The following CNGA1 variants were observed in gnomAD, a reference collection of about 807,000 sequenced individuals.
The protein encoded by CNGA1 is cyclic nucleotide gated channel subunit alpha 1.
In CNGA1, 53 loss-of-function variants were observed where a neutral mutation model predicts 69.7. The ratio of observed to expected loss-of-function variants is 0.76; its 90% CI spans 0.61 to 0.96. CNGA1 has a LOEUF of 0.96. Among genes scored for constraint, CNGA1 ranks in the 40% least tolerant of loss-of-function variants. CNGA1 has a pLI of 0.00. For missense variants in CNGA1, 739 were observed against 811.2 expected (o/e 0.91, Z 1.08); for synonymous variants, 249 against 283.5 (o/e 0.88, Z 1.22).
chr4:47,975,215 C>T (rs1405345078), intron 3 of CNGA1, among the ~76,000 whole-genome samples: 1 of 152,138 alleles, frequency 6.6e-6, no homozygotes, highest in Non-Finnish European at 1.5e-5. Flanking sequence ...TCCTTATAGG[C>T]TCATAAGCCA....
At chr4:47,996,302 TCC>T (rs1389733263) in intron 2 of CNGA1, among the ~76,000 whole-genome samples, 1 of 152,144 alleles carries the variant, frequency 6.6e-6, no homozygotes, top group Non-Finnish European at 1.5e-5. Context: ...TGTTGATAGC[TCC>T]TTGGAATATT....
rs1483633533 is a variant in CNGA1 at position 48,002,912 on chromosome 4, T to A, written c.-123+7882A>T. Among the ~76,000 whole-genome samples the A allele has an allele frequency of 3.3e-5, 5 of 152,128 alleles. No homozygotes were observed. In the East Asian group the frequency reaches 9.7e-4, roughly 29 times the overall value. ...CATTAGCTTTATAAAAGTGAATGAG[T>A]TTTAGGATAAGACTTATTATCATTT... On this transcript the variant is annotated intron_variant, in intron 2 of 10. Coordinates refer to ENST00000514170, the MANE Select transcript of CNGA1 (RefSeq NM_001379270.1).
intron 2 of CNGA1, among the ~76,000 whole-genome samples, chr4:48,004,518 A>T (rs1014683969): frequency 1.6e-4 from 25 of 152,184 alleles, no homozygotes; most frequent in African/African-American, 4.8e-4. Context: ...ATGCGTCTCT[A>T]GTCTGAGGTT....
At chr4:48,014,221 A>G (rs1715283421) in intron 1 of CNGA1, among the ~76,000 whole-genome samples, 1 of 152,164 alleles carries the variant, frequency 6.6e-6, no homozygotes, top group Admixed American at 6.5e-5. Context: ...TTTGCGGGGG[A>G]ATAAATATCC....
intron 3 of CNGA1, among the ~76,000 whole-genome samples, chr4:47,974,563 G>T (rs1741245670): frequency 6.6e-6 from 1 of 152,140 alleles, no homozygotes; most frequent in African/African-American, 2.4e-5. Flanking sequence ...GTGCATGTTG[G>T]TCAAAGGATA....
intron 3 of CNGA1, among the ~76,000 whole-genome samples, chr4:47,967,424 A>G (rs1165874465): frequency 1.3e-5 from 2 of 152,254 alleles, no homozygotes; most frequent in African/African-American, 2.4e-5. Context: ...GAAGTAGTCA[A>G]CATTGCACTG....
chr4:47,952,261 G>A (rs1037071921), intron 4 of CNGA1, among the ~76,000 whole-genome samples: 5 of 152,046 alleles, frequency 3.3e-5, no homozygotes, highest in Non-Finnish European at 5.9e-5. Flanking sequence ...CCAGCTACCT[G>A]GGAGGCTGAG....
In CNGA1 at chr4:47,979,226, C is replaced by T. The variant is rs769576173; in HGVS notation, c.-15+2167G>A. Among the ~76,000 whole-genome samples, 8 of 148,394 alleles carry T rather than the reference C, an allele frequency of 5.4e-5. No homozygotes were observed. The East Asian group carries it at 1.4e-3, about 26-fold the overall frequency. On this transcript the variant is annotated intron_variant, in intron 3 of 10. Transcript: ENST00000514170. Reference sequence around the variant, plus strand: ...ATCCCAGATACTCAGGAAGCTGAGGCGGGAGGATCGCTTGAGCCCAAGAGG... The same window carrying T: ...ATCCCAGATACTCAGGAAGCTGAGGTGGGAGGATCGCTTGAGCCCAAGAGG...
In CNGA1 at chr4:47,952,562, T is replaced by G. The variant is rs760873136; in HGVS notation, c.107+21A>C. 3 of 1,611,114 alleles carry G rather than the reference T, an allele frequency of 1.9e-6. No individual in the cohort carries two copies. The African/African-American group carries it at 4.0e-5, about 22-fold the overall frequency. On this transcript the variant is annotated intron_variant, in intron 4 of 10. Transcript: ENST00000514170. ...AACTGTAGCTAATAATAAAAATGCA[T>G]GGGAAAATGTTTGGATTTACCTGCA...
intron 1 of CNGA1, among the ~76,000 whole-genome samples, chr4:48,016,113 G>C (rs1393702754): frequency 2.0e-5 from 3 of 152,184 alleles, no homozygotes; most frequent in Non-Finnish European, 2.9e-5. Context: ...AGTCTTTCCA[G>C]TTTTGGCATT....
intron 2 of CNGA1, among the ~76,000 whole-genome samples, chr4:48,000,188 T>C (rs1366940877): frequency 1.3e-5 from 2 of 152,148 alleles, no homozygotes; most frequent in Admixed American, 6.5e-5. Flanking sequence ...TGGATCAACA[T>C]GTGTAATTGG....
At chr4:47,984,182 ATTC>A (rs1741871604) in intron 2 of CNGA1, among the ~76,000 whole-genome samples, 1 of 152,290 alleles carries the variant, frequency 6.6e-6, no homozygotes, top group Admixed American at 6.5e-5. Context: ...ATAGCAAAGA[ATTC>A]TTCTACAGAA....
chr4:47,975,572 G>A (rs961261813), intron 3 of CNGA1, among the ~76,000 whole-genome samples: 1 of 152,014 alleles, frequency 6.6e-6, no homozygotes, highest in African/African-American at 2.4e-5. Context: ...AGTGATATAA[G>A]AGTGTTTTAA....
At chr4:47,973,945 C>A (rs1741183421) in intron 3 of CNGA1, among the ~76,000 whole-genome samples, 1 of 152,034 alleles carries the variant, frequency 6.6e-6, no homozygotes, top group South Asian at 2.1e-4. Flanking sequence ...GTAATCCCAG[C>A]ACTTTGGGTG....
chr4:47,945,965 T>G (rs1235701566), intron 6 of CNGA1, among the ~76,000 whole-genome samples: 1 of 152,150 alleles, frequency 6.6e-6, no homozygotes, highest in Admixed American at 6.5e-5. Flanking sequence ...AAGTGTAATG[T>G]ACATAATTCC....
intron 2 of CNGA1, among the ~76,000 whole-genome samples, chr4:47,984,141 C>A (rs796397294): frequency 1.3e-5 from 2 of 152,084 alleles, no homozygotes; most frequent in Non-Finnish European, 1.5e-5. Context: ...TTAGTCAAGT[C>A]GCCTATTTCA....
chr4:47,998,742 C>A (rs1295686795), intron 2 of CNGA1, among the ~76,000 whole-genome samples: 2 of 152,112 alleles, frequency 1.3e-5, no homozygotes, highest in Non-Finnish European at 2.9e-5. Context: ...CACACTGCTG[C>A]ACTCCAGTTG....
At chr4:47,948,451 G>T (rs1739554064) in intron 6 of CNGA1, among the ~76,000 whole-genome samples, 1 of 152,192 alleles carries the variant, frequency 6.6e-6, no homozygotes. Flanking sequence ...CTAAGTAGGG[G>T]TGACAAATGT....
intron 2 of CNGA1, among the ~76,000 whole-genome samples, chr4:48,009,830 G>A (rs112126911): frequency 3.9e-5 from 6 of 152,228 alleles, no homozygotes; most frequent in South Asian, 4.1e-4. Flanking sequence ...AAAAGCATTC[G>A]ACTAGTCTTC....
Sources: gnomAD v4.1 joint callset for allele counts (sites outside exome capture counted in the v4.1 genomes callset) on GRCh38, gnomAD v4.1.1 for gene constraint, MANE v1.5 for transcripts, NCBI Gene and HGNC (gene_info 2026-07-23, HGNC 2026-07-21) for gene names.